Variants in NIPAL2 observed in about 807,000 individuals in gnomAD.
The protein encoded by NIPAL2 is NIPA-like protein 2.
In NIPAL2, 43 loss-of-function variants were observed where a neutral mutation model predicts 48.9. The observed-to-expected ratio is 0.88, with a 90% confidence interval of 0.69 to 1.13. The LOEUF (loss-of-function observed/expected upper bound fraction) is 1.13. Among genes scored for constraint, NIPAL2 ranks in the 50% most tolerant of loss-of-function variants. The probability of loss-of-function intolerance (pLI) is 0.00; values close to 1 mark genes in which losing one functional copy is unlikely to be tolerated. For synonymous variants in NIPAL2, 167 were observed against 174.6 expected (o/e 0.96, Z 0.34); for missense variants, 446 against 461.4 (o/e 0.97, Z 0.31).
At chr8:98,198,368 A>G (rs1161194682) in intron 8 of NIPAL2, among the ~76,000 whole-genome samples, 1 of 152,214 alleles carries the variant, frequency 6.6e-6, no homozygotes, top group Non-Finnish European at 1.5e-5. Context: ...CATAATTCTT[A>G]AGGGCCCTAT....
At chr8:98,228,655 G>GATCCATCTCAGGATGC (rs59665214) in intron 4 of NIPAL2, among the ~76,000 whole-genome samples, 14,351 of 151,988 alleles carry the variant, frequency 0.094, 846 homozygotes, top group Middle Eastern at 0.14. Flanking sequence ...ACCCTGGATA[G>GATCCATCTCAGGATGC]ATCCATCTCA....
At position 98,196,939 on chromosome 8, in the gene NIPAL2, A is replaced by G. The variant is rs562087835; in HGVS notation, c.881-934T>C. Among the ~76,000 whole-genome samples, 4 of 152,330 alleles carry G rather than the reference A, an allele frequency of 2.6e-5. No homozygotes were observed. The South Asian group carries it at 6.2e-4, about 24-fold the overall frequency. On this transcript the variant is annotated intron_variant, in intron 8 of 10. Coordinates refer to ENST00000430223, the MANE Select transcript of NIPAL2 (RefSeq NM_001321635.2). ...TCCAGTTCTAATGAATATTTGTTGAATGAATGAAACTTTCTGAAGCACACT... is the reference window on the plus strand; with the variant it reads ...TCCAGTTCTAATGAATATTTGTTGAGTGAATGAAACTTTCTGAAGCACACT...
At chr8:98,291,588 G>A (rs1398260432) in intron 1 of NIPAL2, among the ~76,000 whole-genome samples, 1 of 152,148 alleles carries the variant, frequency 6.6e-6, no homozygotes, top group African/African-American at 2.4e-5. Flanking sequence ...GGAAGAGTTT[G>A]GGTTTTGCAC....
Position 98,219,484 on chromosome 8 carries a change from C to T in NIPAL2, c.558+2995G>A, listed in dbSNP as rs149039805. Among the ~76,000 whole-genome samples, 30 of 152,120 alleles carry T rather than the reference C, an allele frequency of 2.0e-4. No homozygotes were observed. The East Asian group carries it at 3.7e-3, about 19-fold the overall frequency. ...GACAGAGGTTCCAGAAGATGATGGG[C>T]CAGGGAGTAAATGCTGCATAAGGTT... On this transcript the variant is annotated intron_variant, in intron 5 of 10. Coordinates refer to ENST00000430223, the MANE Select transcript of NIPAL2 (RefSeq NM_001321635.2).
In NIPAL2 at chr8:98,205,209, G is replaced by A. The variant is rs1169778518; in HGVS notation, c.693C>T (p.Gly231=). Residue 231 remains glycine (G), a synonymous_variant, in exon 7 of 11, where the codon GGC becomes GGT. Coordinates refer to ENST00000430223, the MANE Select transcript of NIPAL2 (RefSeq NM_001321635.2). The part of the protein sequence containing the change: ...LTVISVKAVS[G]MITFSVMDKM... The stretch of plus-strand genomic sequence containing the variant: ...TATCCATCACAGAAAAAGTGATCAT[G>A]CCTGAGACGGCCTTTACTGAAATAA... The A allele has an allele frequency of 6.2e-7, 1 of 1,613,362 alleles. No homozygotes were observed. Among genetic ancestry groups the A allele is most frequent in the East Asian group, 2.2e-5 (1 of 44,874 alleles).
intron 5 of NIPAL2, among the ~76,000 whole-genome samples, chr8:98,214,076 T>A (rs1352287067): frequency 1.3e-5 from 2 of 152,152 alleles, no homozygotes; most frequent in East Asian, 3.8e-4. Context: ...AACTGTTCAA[T>A]AAATATTAAT....
At chr8:98,242,192 T>A (rs915371511) in intron 3 of NIPAL2, among the ~76,000 whole-genome samples, 2 of 152,312 alleles carry the variant, frequency 1.3e-5, no homozygotes, top group Non-Finnish European at 2.9e-5. Flanking sequence ...AAAAGTTCTT[T>A]TTTTTGAGAC....
chr8:98,269,741 G>A (rs1342752016), intron 1 of NIPAL2, among the ~76,000 whole-genome samples: 1 of 152,082 alleles, frequency 6.6e-6, no homozygotes, highest in Non-Finnish European at 1.5e-5. Context: ...TTTGTTAGAA[G>A]GGTATGTTCG....
Position 98,243,917 on chromosome 8 carries a change from A to T in NIPAL2, c.377-7703T>A, listed in dbSNP as rs1216844768. Reference sequence around the variant, plus strand: ...AATAATAATTTTTTATTAAAAGCTTAATGGTACATAAGACTGTTCAATAAC... The same window carrying T: ...AATAATAATTTTTTATTAAAAGCTTTATGGTACATAAGACTGTTCAATAAC... On this transcript the variant is annotated intron_variant, in intron 3 of 10. Transcript: ENST00000430223. Among the ~76,000 whole-genome samples the T allele has an allele frequency of 5.9e-5, 9 of 152,304 alleles. No individual in the cohort carries two copies. The East Asian group carries it at 1.7e-3, about 29-fold the overall frequency.
In NIPAL2 at chr8:98,232,365, G is replaced by A. The variant is rs944899055; in HGVS notation, c.436+3790C>T. Among the ~76,000 whole-genome samples, 3 of 152,108 alleles carry A rather than the reference G, an allele frequency of 2.0e-5. No homozygotes were observed. In the East Asian group the frequency reaches 5.8e-4, roughly 29 times the overall value. ...GTTAGGTAGGAAAAAACAAAACAGA[G>A]CACCCAATCAGAGTTGTGGGAAAGG... On this transcript the variant is annotated intron_variant, in intron 4 of 10. Coordinates refer to ENST00000430223, the MANE Select transcript of NIPAL2 (RefSeq NM_001321635.2).
In NIPAL2 at chr8:98,191,627, G is replaced by A. The variant is rs1003376533; in HGVS notation, c.*1351C>T. On this transcript the variant is annotated 3_prime_UTR_variant, in exon 11 of 11. Transcript: ENST00000430223. ...CTATTGATTGGAATGATATTGGACA[G>A]ACATGTCAGAAGTGATCTGAAGGCT... is the stretch of plus-strand genomic sequence containing the variant. 3.3e-5 allele frequency: 5 copies of A among 152,208 alleles called. No homozygotes were observed. Among genetic ancestry groups the A allele is most frequent in the Non-Finnish European group, 7.3e-5 (5 of 68,040 alleles). 9.4% of individuals were successfully genotyped at this position (152,208 alleles called of 1,614,324 possible).
At chr8:98,213,001 C>A (rs1811396399) in intron 5 of NIPAL2, among the ~76,000 whole-genome samples, 1 of 152,164 alleles carries the variant, frequency 6.6e-6, no homozygotes, top group African/African-American at 2.4e-5. Context: ...TCTCTATAAT[C>A]CAGCCATTCC....
intron 5 of NIPAL2, among the ~76,000 whole-genome samples, chr8:98,217,989 G>A (rs962610823): frequency 2.6e-5 from 4 of 152,090 alleles, no homozygotes; most frequent in Non-Finnish European, 4.4e-5. Flanking sequence ...GTTGATTTTG[G>A]AAAAATGGCA....
intron 1 of NIPAL2, among the ~76,000 whole-genome samples, chr8:98,290,513 A>T (rs1816434521): frequency 6.6e-6 from 1 of 152,096 alleles, no homozygotes; most frequent in South Asian, 2.1e-4. Context: ...TTTGGCTCTT[A>T]TTTATTCAAC....
chr8:98,249,717 A>G (rs1813489999), intron 3 of NIPAL2, among the ~76,000 whole-genome samples: 1 of 147,462 alleles, frequency 6.8e-6, no homozygotes, highest in Admixed American at 6.8e-5. Flanking sequence ...TATATTAAAC[A>G]TAATCAATAA....
At chr8:98,231,125 C>T (rs1308554653) in intron 4 of NIPAL2, among the ~76,000 whole-genome samples, 1 of 152,140 alleles carries the variant, frequency 6.6e-6, no homozygotes, top group Non-Finnish European at 1.5e-5. Context: ...GACTCCTTAA[C>T]ATCAAACCAT....
chr8:98,241,384 T>G (rs749784274), intron 3 of NIPAL2, among the ~76,000 whole-genome samples: 25 of 152,248 alleles, frequency 1.6e-4, no homozygotes, highest in Non-Finnish European at 3.5e-4. Flanking sequence ...GGCTGAGTAT[T>G]GACAAGGAAG....
At chr8:98,229,079 C>A (rs571991694) in intron 4 of NIPAL2, among the ~76,000 whole-genome samples, 110 of 152,276 alleles carry the variant, frequency 7.2e-4, no homozygotes, top group African/African-American at 2.6e-3. Flanking sequence ...CAGGTAAGAG[C>A]CAATGTCTAG....
At chr8:98,236,341 G>A in intron 3 of NIPAL2, 127 bp from the exon 4 acceptor site, 1 of 580,318 alleles carries the variant, frequency 1.7e-6, no homozygotes, top group Non-Finnish European at 3.0e-6. Context: ...GAGACATTCA[G>A]CAGTTGTGGC....
Sources: gnomAD v4.1 joint callset for allele counts (sites outside exome capture counted in the v4.1 genomes callset) on GRCh38, gnomAD v4.1.1 for gene constraint, MANE v1.5 for transcripts, NCBI Gene and HGNC (gene_info 2026-07-23, HGNC 2026-07-21) for gene names.